The following IDH2 variants were observed in gnomAD, a reference collection of about 807,000 sequenced individuals.
The protein encoded by IDH2 is isocitrate dehydrogenase [NADP], mitochondrial.
Under a neutral mutation model 50.5 loss-of-function variants are expected in IDH2, and 18 were observed. The ratio of observed to expected loss-of-function variants is 0.36; its 90% confidence interval spans 0.25 to 0.53. The LOEUF (loss-of-function observed/expected upper bound fraction) is 0.53. Among genes scored for constraint, IDH2 ranks in the 20% least tolerant of loss-of-function variants. The pLI is 0.92. For synonymous variants in IDH2, 280 were observed against 239.8 expected (o/e 1.17, Z -1.55); for missense variants, 518 against 610.7 (o/e 0.85, Z 1.60).
chr15:90,091,224 C>T (rs987261706), intron 2 of IDH2, among the ~76,000 whole-genome samples: 8 of 152,224 alleles, frequency 5.3e-5, no homozygotes, highest in African/African-American at 1.7e-4. Flanking sequence ...TCCCTTTTCA[C>T]TCCTTTTCAA....
At chr15:90,091,054 C>G (rs532575717) in intron 2 of IDH2, among the ~76,000 whole-genome samples, 1 of 128,900 alleles carries the variant, frequency 7.8e-6, no homozygotes. Flanking sequence ...GTCCCATGAA[C>G]GCACACACAG....
chr15:90,084,750 T>C lies in IDH2; in HGVS notation c.1271+66A>G, dbSNP rs542192697. On this transcript the variant is annotated intron_variant, in intron 10 of 10. Coordinates refer to ENST00000330062, the MANE Select transcript of IDH2 (RefSeq NM_002168.4). This position sits in a 1 kb window ranked among gnomAD's most constrained non-coding sequence, Gnocchi z 5.0. ...CTAAGCTGACTCATGAGGGGGACTT[T>C]AGGAGGGGTCCCCTGGCTTCCTCCC... 4.1e-4 allele frequency: 537 copies of C among 1,313,986 alleles called. 1 individual carries two copies. The highest frequency in any genetic ancestry group is 4.6e-4 in the Non-Finnish European group (422 of 914,080). The allele number at this position is 1,313,986 out of a possible 1,614,324, so 81.4% of individuals were successfully genotyped here. A position where few individuals can be genotyped will look rare whatever the true frequency, so the allele number is the denominator to read the frequency against.
At chr15:90,088,865 T>A (rs1376824121) in intron 3 of IDH2, 118 bp from the exon 4 acceptor site, 2 of 1,015,062 alleles carry the variant, frequency 2.0e-6, no homozygotes, top group Non-Finnish European at 3.0e-6. Context: ...AGGAAGGCAG[T>A]AGAGTCTAGA....
chr15:90,083,119 ATT>A lies in IDH2; in HGVS notation c.*1145_*1146del, dbSNP rs59583363. 656 of 62,408 alleles carry A rather than the reference ATT, an allele frequency of 0.011. No individual in the cohort carries two copies. Among genetic ancestry groups the A allele is most frequent in the African/African-American group, 0.026 (425 of 16,322 alleles). The allele number at this position is 62,408 out of a possible 1,614,324, so 3.9% of individuals were successfully genotyped here. A position where few individuals can be genotyped will look rare whatever the true frequency, so the allele number is the denominator to read the frequency against. ...GGGGCTAAAAAACTTGCATAGAGCA[ATT>A]TTTTTTTTTTTTTTTTTTTTTTTTT... is the stretch of plus-strand genomic sequence containing the variant. On this transcript the variant is annotated 3_prime_UTR_variant, in exon 11 of 11. Coordinates refer to ENST00000330062, the MANE Select transcript of IDH2 (RefSeq NM_002168.4).
At position 90,102,366 on chromosome 15, in the gene IDH2, G is replaced by A; in HGVS notation, c.25C>T (p.Arg9Cys). 7.3e-7 allele frequency: 1 copy of A among 1,364,456 alleles called. No individual in the cohort carries two copies. The highest frequency in any genetic ancestry group is 1.6e-5 in the South Asian group (1 of 62,536). 84.5% of individuals were successfully genotyped at this position (1,364,456 alleles called of 1,614,324 possible). A position where few individuals can be genotyped will look rare whatever the true frequency, so the allele number is the denominator to read the frequency against. The stretch of plus-strand genomic sequence containing the variant: ...GAGCCTGAGGCTCTGCAGAGCGAGC[G>A]CACGACCCGCAGGTAGCCGGCCATC... MAGYLRVV[R>C]SLCRASGSRP... Residue 9 changes from arginine (R) to cysteine (C), a missense_variant, in exon 1 of 11, where the codon CGC (arginine) becomes TGC (cysteine). Arg to Cys is a radical substitution (Grantham distance 180). Transcript: ENST00000330062.
chr15:90,089,404 A>G (rs1900971441), intron 3 of IDH2, among the ~76,000 whole-genome samples: 1 of 152,186 alleles, frequency 6.6e-6, no homozygotes, highest in African/African-American at 2.4e-5. Context: ...TCACACATGG[A>G]GGGAGTACAG....
intron 7 of IDH2, among the ~76,000 whole-genome samples, chr15:90,086,304 C>T (rs76564075): frequency 0.014 from 2,094 of 152,310 alleles, 25 homozygotes; most frequent in Middle Eastern, 0.031. Flanking sequence ...CTGTTTCCCA[C>T]ACCTACCACC....
At position 90,090,508 on chromosome 15, in the gene IDH2, G is replaced by C. The variant is rs1007176774; in HGVS notation, c.344C>G (p.Thr115Ser). The part of the protein sequence containing the change: ...QKYSVAVKCA[T>S]ITPDEARVEE... ...CACACGGGCCTCATCAGGGGTGATG[G>C]TGGCACACTTGACAGCCACACTGTA... Residue 115 changes from threonine (T) to serine (S), a missense_variant, in exon 3 of 11, where the codon ACC becomes AGC. Physicochemically the swap from Thr to Ser is moderately conservative, Grantham distance 58. This residue lies in a region of IDH2 where 68 missense variants were observed against 109.7 expected (regional missense o/e 0.62). Transcript: ENST00000330062. The C allele has an allele frequency of 3.1e-6, 5 of 1,613,968 alleles. No homozygotes were observed. The highest frequency in any genetic ancestry group is 4.2e-6 in the Non-Finnish European group (5 of 1,180,020).
intron 1 of IDH2, among the ~76,000 whole-genome samples, chr15:90,093,671 A>G (rs962103054): frequency 6.6e-5 from 10 of 152,092 alleles, no homozygotes; most frequent in African/African-American, 1.7e-4. Context: ...CCAGGCTGGA[A>G]TGCAATGGCG....
intron 5 of IDH2, among the ~76,000 whole-genome samples, chr15:90,087,804 GCC>G (rs1900906959): frequency 8.7e-6 from 1 of 114,654 alleles, no homozygotes; most frequent in Admixed American, 8.5e-5. Context: ...GGAAAACACC[GCC>G]TTTTTTTTTT....
rs1318937519 is a variant in IDH2, at chr15:90,085,187, G to A, written c.1080+88C>T. 1 of 1,530,940 alleles carries A rather than the reference G, an allele frequency of 6.5e-7. No homozygotes were observed. Among genetic ancestry groups the A allele is most frequent in the Non-Finnish European group, 9.0e-7 (1 of 1,110,478 alleles). 94.8% of individuals were successfully genotyped at this position (1,530,940 alleles called of 1,614,324 possible). ...CAGCTGCCCGCCCCTGGGCTGGTGG[G>A]TCAGGCTCGTCCTTCCAGCCCTCAG... is the stretch of plus-strand genomic sequence containing the variant. On this transcript the variant is annotated intron_variant, in intron 8 of 10. Coordinates refer to ENST00000330062, the MANE Select transcript of IDH2 (RefSeq NM_002168.4). The surrounding 1 kb of genome is among the most constrained non-coding windows in gnomAD (Gnocchi z 5.5).
rs368812250 is a variant in IDH2 at position 90,094,296 on chromosome 15, G to A, written c.116-2652C>T. 1.4e-4 allele frequency among the ~76,000 whole-genome samples: 22 copies of A among 152,306 alleles called. No individual in the cohort carries two copies. The East Asian group carries it at 3.5e-3, about 24-fold the overall frequency. On this transcript the variant is annotated intron_variant, in intron 1 of 10. Transcript: ENST00000330062. ...AACAATGAATCAGTACAGCTGCCTT[G>A]GACAAGGCTTGTTGAACCTCAGCCT...
Position 90,098,531 on chromosome 15 carries a change from C to CATGTATGTATTTATGCATGCATGT in IDH2, c.115+3744_115+3745insACATGCATGCATAAATACATACAT, listed in dbSNP as rs1901242934. Among the ~76,000 whole-genome samples, 5 of 138,354 alleles carry CATGTATGTATTTATGCATGCATGT rather than the reference C, an allele frequency of 3.6e-5. No homozygotes were observed. The highest frequency in any genetic ancestry group is 1.4e-4 in the African/African-American group (5 of 36,726). 90.8% of individuals were successfully genotyped at this position (138,354 alleles called of 152,430 possible). ...GTATGTATGTATGTATGTATGCATG[C>CATGTATGTATTTATGCATGCATGT]ATGTATGTATGTATGTATGTATGTA... On this transcript the variant is annotated intron_variant, in intron 1 of 10. Transcript: ENST00000330062. The surrounding 1 kb of genome is among the most constrained non-coding windows in gnomAD (Gnocchi z 5.1).
In IDH2 at chr15:90,102,425, G is replaced by A. The variant is rs1167574290; in HGVS notation, c.-35C>T. On this transcript the variant is annotated 5_prime_UTR_variant, in exon 1 of 11. Transcript: ENST00000330062. The stretch of plus-strand genomic sequence containing the variant: ...GAGAGCGAACGAGCAGGGCGGGAGA[G>A]GTCCGAGCGCGCGCCGCTCCTCCCG... The A allele has an allele frequency of 3.4e-5, 40 of 1,165,670 alleles. No homozygotes were observed. The highest frequency in any genetic ancestry group is 3.9e-5 in the Non-Finnish European group (36 of 916,680). The allele number at this position is 1,165,670 out of a possible 1,614,324, so 72.2% of individuals were successfully genotyped here.
rs542397869 is a variant in IDH2, at chr15:90,100,548, G to T, written c.115+1728C>A. On this transcript the variant is annotated intron_variant, in intron 1 of 10. Transcript: ENST00000330062. The surrounding 1 kb of genome is among the most constrained non-coding windows in gnomAD (Gnocchi z 4.1). The stretch of plus-strand genomic sequence containing the variant: ...TGCCACTGAGCCGTTCACAGAACTG[G>T]TCCGCACTGCCCCAAGCTCTAACTT... 6 of 828,938 alleles carry T rather than the reference G, an allele frequency of 7.2e-6. No homozygotes were observed. In the East Asian group the frequency reaches 3.7e-4, roughly 51 times the overall value. The allele number at this position is 828,938 out of a possible 1,614,324, so 51.3% of individuals were successfully genotyped here. A position where few individuals can be genotyped will look rare whatever the true frequency, so the allele number is the denominator to read the frequency against.
chr15:90,087,603 G>C (rs376293307), intron 5 of IDH2, 28 bp from the exon 6 acceptor site: 1 of 1,612,194 alleles, frequency 6.2e-7, no homozygotes, highest in South Asian at 1.1e-5. Context: ...GGGCCCTGGC[G>C]TGGTGCCCTA....
chr15:90,094,010 C>T (rs1006973767), intron 1 of IDH2, among the ~76,000 whole-genome samples: 5 of 152,244 alleles, frequency 3.3e-5, no homozygotes, highest in African/African-American at 4.8e-5. Context: ...AGCAGAGTCA[C>T]GAGGACTCTG....
At chr15:90,089,154 T>C (rs1596075122) in intron 3 of IDH2, among the ~76,000 whole-genome samples, 2 of 151,932 alleles carry the variant, frequency 1.3e-5, no homozygotes, top group Non-Finnish European at 1.5e-5. Flanking sequence ...CCTCAGGTGA[T>C]CCACCCGCCT....
chr15:90,090,163 C>G (rs979404783), intron 3 of IDH2, among the ~76,000 whole-genome samples: 1 of 152,224 alleles, frequency 6.6e-6, no homozygotes, highest in Non-Finnish European at 1.5e-5. Flanking sequence ...AGAAACACCA[C>G]TGGCCTGGGA....
Sources: allele counts gnomAD v4.1 joint callset (sites outside exome capture counted in the v4.1 genomes callset), GRCh38; gene constraint gnomAD v4.1.1; regional missense constraint gnomAD v4.1.1; non-coding constraint Gnocchi (gnomAD v3.1); transcripts MANE v1.5; gene names NCBI Gene and HGNC (gene_info 2026-07-23, HGNC 2026-07-21).